Variants in ZFR observed in about 807,000 individuals in gnomAD.
ZFR encodes the protein zinc finger RNA binding protein, also known as zinc finger RNA-binding protein.
Under a neutral mutation model 130.7 loss-of-function variants are expected in ZFR, and 19 were observed. The observed-to-expected ratio is 0.15, with a 90% confidence interval of 0.10 to 0.21. ZFR has a LOEUF of 0.21. Among genes scored for constraint, ZFR ranks in the 10% least tolerant of loss-of-function variants. ZFR has a pLI of 1.00. For synonymous variants in ZFR, 466 were observed against 456.9 expected (o/e 1.02, Z -0.25); for missense variants, 872 against 1,321.5 (o/e 0.66, Z 5.27).
rs973143667 is a variant in ZFR, at chr5:32,417,857, T to C, written c.421-65A>G. The C allele has an allele frequency of 1.0e-5, 15 of 1,504,402 alleles. No individual in the cohort carries two copies. The African/African-American group carries it at 1.9e-4, about 20-fold the overall frequency. The allele number at this position is 1,504,402 out of a possible 1,614,324, so 93.2% of individuals were successfully genotyped here. A position where few individuals can be genotyped will look rare whatever the true frequency, so the allele number is the denominator to read the frequency against. On this transcript the variant is annotated intron_variant, in intron 3 of 19. Coordinates refer to ENST00000265069, the MANE Select transcript of ZFR (RefSeq NM_016107.5). ...AGTGGAAGGAAAAAAATACTTACTG[T>C]ATAGAAGTGCAATAAAGGAAAACAA...
intron 16 of ZFR, 44 bp downstream of exon 16, chr5:32,380,028 ACTT>A: frequency 4.7e-6 from 7 of 1,500,800 alleles, no homozygotes; most frequent in Non-Finnish European, 6.5e-6. Flanking sequence ...GTACTGAACT[ACTT>A]CTCTCATAAG....
At chr5:32,374,778 G>A (rs1359098203) in intron 17 of ZFR, among the ~76,000 whole-genome samples, 2 of 151,506 alleles carry the variant, frequency 1.3e-5, no homozygotes, top group African/African-American at 4.9e-5. Flanking sequence ...TTTTTTTAAA[G>A]GAAATATAAA....
chr5:32,421,844 A>C (rs1280913878), intron 2 of ZFR, among the ~76,000 whole-genome samples: 3 of 152,218 alleles, frequency 2.0e-5, no homozygotes, highest in South Asian at 4.1e-4. Flanking sequence ...TGACAGGAAA[A>C]GTTTACATTA....
At chr5:32,420,219 A>G in intron 2 of ZFR, 116 bp from the exon 3 acceptor site, 3 of 1,223,762 alleles carry the variant, frequency 2.5e-6, no homozygotes, top group Non-Finnish European at 3.2e-6. Flanking sequence ...TAATTTAATG[A>G]CGGACCACAA....
intron 5 of ZFR, among the ~76,000 whole-genome samples, chr5:32,410,078 G>C (rs1469105): frequency 0.63 from 95,437 of 152,000 alleles, 30,399 homozygotes; most frequent in African/African-American, 0.72. Context: ...GGTCAGGCTC[G>C]TGGAACACTT....
intron 17 of ZFR, among the ~76,000 whole-genome samples, chr5:32,371,107 T>A (rs1333332157): frequency 2.0e-5 from 3 of 152,222 alleles, no homozygotes; most frequent in African/African-American, 7.2e-5. Context: ...TGTTGGCTCA[T>A]GCCTATAATC....
chr5:32,362,876 A>G (rs916504286), intron 19 of ZFR, among the ~76,000 whole-genome samples: 19 of 152,228 alleles, frequency 1.2e-4, no homozygotes, highest in African/African-American at 4.3e-4. Flanking sequence ...TTAGTTTTCA[A>G]GTGTTTCCTT....
chr5:32,365,224 T>C (rs1002288979), intron 17 of ZFR, among the ~76,000 whole-genome samples: 2 of 152,176 alleles, frequency 1.3e-5, no homozygotes, highest in African/African-American at 2.4e-5. Context: ...GGAACCACTA[T>C]GAAATCCTTA....
chr5:32,397,063 CATCT>C (rs1425232540), intron 10 of ZFR, among the ~76,000 whole-genome samples, 152 bp downstream of exon 10: 13 of 152,128 alleles, frequency 8.5e-5, no homozygotes, highest in African/African-American at 3.1e-4. Flanking sequence ...ACCAAACATC[CATCT>C]GAGTCTACCA....
At chr5:32,413,423 C>T (rs1340418061) in intron 5 of ZFR, among the ~76,000 whole-genome samples, 1 of 152,026 alleles carries the variant, frequency 6.6e-6, no homozygotes, top group Non-Finnish European at 1.5e-5. Context: ...TAGACAGAGA[C>T]GTGCACTAAA....
At chr5:32,421,871 G>C (rs1031657622) in intron 2 of ZFR, among the ~76,000 whole-genome samples, 1 of 152,026 alleles carries the variant, frequency 6.6e-6, no homozygotes, top group Non-Finnish European at 1.5e-5. Flanking sequence ...TGAAAAACTT[G>C]TTTGGGAATA....
intron 2 of ZFR, 65 bp downstream of exon 2, chr5:32,444,164 C>T: frequency 6.5e-7 from 1 of 1,532,676 alleles, no homozygotes; most frequent in South Asian, 1.2e-5. Flanking sequence ...GGGGGCGTCG[C>T]ATCGACAGGA....
chr5:32,415,070 T>C lies in ZFR; in HGVS notation c.683A>G (p.Tyr228Cys). 1.2e-6 allele frequency: 2 copies of C among 1,614,012 alleles called. No homozygotes were observed. Among genetic ancestry groups the C allele is most frequent in the Non-Finnish European group, 1.7e-6 (2 of 1,179,974 alleles). ...PSPATTTFSIYPVSSTVQPVA... is the reference protein window; with the variant it reads ...PSPATTTFSICPVSSTVQPVA... ...TGGCTGTACGGTGGAGGATACAGGATAGATGGAGAAAGTAGTGGTAGCTGG... is the reference window on the plus strand; with the variant it reads ...TGGCTGTACGGTGGAGGATACAGGACAGATGGAGAAAGTAGTGGTAGCTGG... Residue 228 changes from tyrosine (Y) to cysteine (C), a missense_variant, in exon 5 of 20, where the codon TAT becomes TGT. Coordinates refer to ENST00000265069, the MANE Select transcript of ZFR (RefSeq NM_016107.5).
intron 9 of ZFR, among the ~76,000 whole-genome samples, chr5:32,398,432 C>A (rs1018983209): frequency 6.6e-6 from 1 of 152,146 alleles, no homozygotes; most frequent in African/African-American, 2.4e-5. Flanking sequence ...ACTATGAAGT[C>A]TATTATGAAT....
chr5:32,416,000 C>G (rs1344471108), intron 4 of ZFR, among the ~76,000 whole-genome samples: 1 of 151,714 alleles, frequency 6.6e-6, no homozygotes, highest in African/African-American at 2.4e-5. Context: ...GGGTCCCACT[C>G]TGTTGCCCAG....
chr5:32,441,212 G>C (rs1407631737), intron 2 of ZFR, among the ~76,000 whole-genome samples: 3 of 152,190 alleles, frequency 2.0e-5, no homozygotes, highest in African/African-American at 7.2e-5. Context: ...CCTGACCTCA[G>C]GTGATACACC....
chr5:32,379,060 A>C (rs1752885154), intron 17 of ZFR, 55 bp downstream of exon 17: 5 of 1,311,950 alleles, frequency 3.8e-6, no homozygotes, highest in Admixed American at 1.7e-5. Flanking sequence ...AGAGGATAAA[A>C]GCTGCAGAAT....
chr5:32,389,967 G>A (rs1434956542), intron 12 of ZFR, among the ~76,000 whole-genome samples: 2 of 152,148 alleles, frequency 1.3e-5, no homozygotes, highest in Admixed American at 6.5e-5. Context: ...CCTGGCCAAC[G>A]TGGCGAAACT....
At chr5:32,427,374 CAAAA>C (rs540663022) in intron 2 of ZFR, among the ~76,000 whole-genome samples, 48 of 66,490 alleles carry the variant, frequency 7.2e-4, no homozygotes, top group African/African-American at 2.7e-3. Context: ...GACTCTGTCT[CAAAA>C]AAAAAAAAAA....
Sources: gnomAD v4.1 joint callset for allele counts (sites outside exome capture counted in the v4.1 genomes callset) on GRCh38, gnomAD v4.1.1 for gene constraint, MANE v1.5 for transcripts, NCBI Gene and HGNC (gene_info 2026-07-23, HGNC 2026-07-21) for gene names.